Variants in PRKAR2A observed in about 807,000 individuals in gnomAD.
The protein encoded by PRKAR2A is cAMP-dependent protein kinase type II-alpha regulatory subunit.
A neutral mutation model predicts 51.9 loss-of-function variants in PRKAR2A; 29 were observed. The ratio of observed to expected loss-of-function variants is 0.56; its 90% CI spans 0.42 to 0.76. The LOEUF (loss-of-function observed/expected upper bound fraction) is 0.76, where lower values mean the gene tolerates loss of function less well. Ranked by LOEUF, PRKAR2A falls within the 30% of genes least tolerant of loss-of-function variation. PRKAR2A has a pLI of 0.00. For missense variants in PRKAR2A, 445 were observed against 512.1 expected (o/e 0.87, Z 1.26); for synonymous variants, 178 against 186.2 (o/e 0.96, Z 0.36).
chr3:48,834,730 A>G (rs1575951885), intron 1 of PRKAR2A, among the ~76,000 whole-genome samples: 2 of 151,890 alleles, frequency 1.3e-5, no homozygotes, highest in East Asian at 3.8e-4. Context: ...TCTCAAGAAA[A>G]AAAAAAAAAA....
intron 8 of PRKAR2A, 67 bp from the exon 9 acceptor site, chr3:48,756,511 CT>C (rs748204479): frequency 8.9e-5 from 101 of 1,135,388 alleles, no homozygotes; most frequent in Non-Finnish European, 1.3e-4. Context: ...AAATAGATTG[CT>C]TTTTCACTGC....
intron 2 of PRKAR2A, among the ~76,000 whole-genome samples, chr3:48,804,975 G>A (rs1289976891): frequency 6.6e-6 from 1 of 151,930 alleles, no homozygotes; most frequent in Non-Finnish European, 1.5e-5. Flanking sequence ...ACAGTGGAAC[G>A]ATCACAGCTC....
At chr3:48,808,933 T>G (rs956150514) in intron 1 of PRKAR2A, among the ~76,000 whole-genome samples, 3 of 99,034 alleles carry the variant, frequency 3.0e-5, no homozygotes, top group African/African-American at 1.2e-4. Flanking sequence ...TGAGCCACCG[T>G]GCCTGGCCTG....
At chr3:48,843,068 G>C (rs562572261) in intron 1 of PRKAR2A, among the ~76,000 whole-genome samples, 1 of 152,116 alleles carries the variant, frequency 6.6e-6, no homozygotes, top group Non-Finnish European at 1.5e-5. Context: ...TTGGTAAGCT[G>C]TTGATTATTG....
intron 5 of PRKAR2A, among the ~76,000 whole-genome samples, chr3:48,776,198 C>G (rs569197040): frequency 6.6e-6 from 1 of 152,110 alleles, no homozygotes; most frequent in African/African-American, 2.4e-5. Flanking sequence ...AACTGACAAG[C>G]ATTTGCAGAA....
Position 48,765,081 on chromosome 3 carries a change from G to A in PRKAR2A, c.799-3C>T, listed in dbSNP as rs765448874. ...ACAATCTTCATTCGTTCTGACACCT[G>A]AAACAACAAATTCACAAATAAAAGG... On this transcript the variant is annotated splice_polypyrimidine_tract_variant and splice_region_variant and intron_variant, in intron 7 of 10. Coordinates refer to ENST00000265563, the MANE Select transcript of PRKAR2A (RefSeq NM_004157.4). 4.3e-6 allele frequency: 7 copies of A among 1,613,588 alleles called. No individual in the cohort carries two copies. The South Asian group carries it at 6.6e-5, about 15-fold the overall frequency.
chr3:48,831,944 A>G (rs2083195571), intron 1 of PRKAR2A, among the ~76,000 whole-genome samples: 2 of 152,172 alleles, frequency 1.3e-5, no homozygotes, highest in African/African-American at 4.8e-5. Context: ...CCGAATTTCT[A>G]CATCGTTAGT....
intron 9 of PRKAR2A, among the ~76,000 whole-genome samples, chr3:48,754,966 G>C (rs1276074319): frequency 1.4e-5 from 2 of 145,006 alleles, no homozygotes; most frequent in Non-Finnish European, 3.0e-5. Context: ...CTTACAGACA[G>C]TAATATTCTT....
intron 1 of PRKAR2A, among the ~76,000 whole-genome samples, chr3:48,835,992 TTC>T (rs1417989218): frequency 6.6e-6 from 1 of 152,166 alleles, no homozygotes; most frequent in Non-Finnish European, 1.5e-5. Flanking sequence ...TCAATCCATT[TTC>T]TTTTTTTTCC....
intron 8 of PRKAR2A, among the ~76,000 whole-genome samples, chr3:48,757,593 A>C (rs945379478): frequency 7.2e-5 from 11 of 152,248 alleles, no homozygotes; most frequent in African/African-American, 2.7e-4. Context: ...TAGCTAAAAT[A>C]GAAACAAACT....
Position 48,847,676 on chromosome 3 carries a change from T to A in PRKAR2A, c.-80A>T. The A allele has an allele frequency of 8.2e-6, 11 of 1,340,996 alleles. No homozygotes were observed. Among genetic ancestry groups the A allele is most frequent in the Non-Finnish European group, 9.6e-6 (10 of 1,039,390 alleles). 83.1% of individuals were successfully genotyped at this position (1,340,996 alleles called of 1,614,324 possible). On this transcript the variant is annotated 5_prime_UTR_variant, in exon 1 of 11. Coordinates refer to ENST00000265563, the MANE Select transcript of PRKAR2A (RefSeq NM_004157.4). The surrounding 1 kb of genome is among the most constrained non-coding windows in gnomAD (Gnocchi z 4.4). ...GCGCTCACTCACGCCGGCCTTTCGC[T>A]CCGCGCCCGCGAGGTCTCTTCGCGC...
At chr3:48,796,670 G>GC (rs557202170) in intron 2 of PRKAR2A, among the ~76,000 whole-genome samples, 1 of 136,778 alleles carries the variant, frequency 7.3e-6, no homozygotes, top group Non-Finnish European at 1.6e-5. Context: ...TAGAGACGGG[G>GC]TTTTTTTTTT....
At chr3:48,842,136 GT>G (rs2083390862) in intron 1 of PRKAR2A, among the ~76,000 whole-genome samples, 1 of 152,266 alleles carries the variant, frequency 6.6e-6, no homozygotes, top group South Asian at 2.1e-4. Flanking sequence ...CACGTCCCTT[GT>G]AAGTTGGATT....
Position 48,756,383 on chromosome 3 carries a change from C to A in PRKAR2A, c.935G>T (p.Ser312Ile), listed in dbSNP as rs987168104. 7 of 1,613,102 alleles carry A rather than the reference C, an allele frequency of 4.3e-6. No homozygotes were observed. Among genetic ancestry groups the A allele is most frequent in the Non-Finnish European group, 5.9e-6 (7 of 1,179,214 alleles). ...ESGEVSILIR[S>I]RTKSNKDGGN... ...CATATAAACTGATAAACTCACCCTG[C>A]TTCTAATCAAGATGCTCACTTCGCC... Residue 312 changes from serine (S) to isoleucine (I), a missense_variant, in exon 9 of 11, where the codon AGC becomes ATC. By Grantham distance (142) the Ser-to-Ile change is moderately radical. Coordinates refer to ENST00000265563, the MANE Select transcript of PRKAR2A (RefSeq NM_004157.4).
chr3:48,750,074 T>A lies in PRKAR2A; in HGVS notation c.*1511A>T, dbSNP rs1380783437. ...CACACCTGACAAATTAAAAAAAAAT[T>A]TTTTTTTTGCCAGGTGCAGTGGCTC... On this transcript the variant is annotated 3_prime_UTR_variant, in exon 11 of 11. Coordinates refer to ENST00000265563, the MANE Select transcript of PRKAR2A (RefSeq NM_004157.4). 2.0e-5 allele frequency: 3 copies of A among 151,394 alleles called. No homozygotes were observed. Among genetic ancestry groups the A allele is most frequent in the African/African-American group, 7.3e-5 (3 of 41,236 alleles). 9.4% of individuals were successfully genotyped at this position (151,394 alleles called of 1,614,324 possible). A position where few individuals can be genotyped will look rare whatever the true frequency, so the allele number is the denominator to read the frequency against.
intron 6 of PRKAR2A, among the ~76,000 whole-genome samples, chr3:48,772,558 T>C (rs900449635): frequency 3.3e-5 from 5 of 152,204 alleles, no homozygotes; most frequent in Admixed American, 2.6e-4. Context: ...TTTTCAATCA[T>C]TGAGTCCCCA....
At chr3:48,765,882 A>T (rs72931130) in intron 6 of PRKAR2A, among the ~76,000 whole-genome samples, 10 of 152,198 alleles carry the variant, frequency 6.6e-5, no homozygotes, top group Admixed American at 2.6e-4. Flanking sequence ...TTCTTACCCT[A>T]AAAAAGTTTA....
intron 2 of PRKAR2A, among the ~76,000 whole-genome samples, chr3:48,806,852 A>C (rs972536561): frequency 9.9e-5 from 15 of 151,860 alleles, no homozygotes; most frequent in Non-Finnish European, 1.9e-4. Flanking sequence ...GCTCACTGAA[A>C]TCTCCACCTC....
intron 5 of PRKAR2A, among the ~76,000 whole-genome samples, chr3:48,780,418 G>A (rs977253131): frequency 6.6e-5 from 10 of 151,510 alleles, no homozygotes; most frequent in Admixed American, 6.6e-4. Flanking sequence ...CCTGACCAAC[G>A]TGGTGAAACT....
Sources: allele counts gnomAD v4.1 joint callset (sites outside exome capture counted in the v4.1 genomes callset), GRCh38; gene constraint gnomAD v4.1.1; non-coding constraint Gnocchi (gnomAD v3.1); transcripts MANE v1.5; gene names NCBI Gene and HGNC (gene_info 2026-07-23, HGNC 2026-07-21).